The following NTRK3 variants were observed in gnomAD, a reference collection of about 807,000 sequenced individuals.
NTRK3 encodes the protein NT-3 growth factor receptor.
NTRK3 carries 24 observed loss-of-function variants against 91.7 expected under a neutral mutation model. The ratio of observed to expected loss-of-function variants is 0.26; its 90% CI spans 0.19 to 0.37. The LOEUF is 0.37. Ranked by LOEUF, NTRK3 falls within the 10% of genes least tolerant of loss-of-function variation. The probability of loss-of-function intolerance (pLI) is 1.00; values close to 1 mark genes in which losing one functional copy is unlikely to be tolerated. For synonymous variants in NTRK3, 483 were observed against 404.0 expected (o/e 1.20, Z -2.34); for missense variants, 880 against 1,068.9 (o/e 0.82, Z 2.46).
chr15:87,948,713 T>G (rs1022008617), intron 14 of NTRK3, among the ~76,000 whole-genome samples: 1 of 151,952 alleles, frequency 6.6e-6, no homozygotes. Flanking sequence ...AAATAAAAAA[T>G]AAAAATGATT....
rs1180521862 is a variant in NTRK3, at chr15:88,234,747, G to A, written c.248+21159C>T. On this transcript the variant is annotated intron_variant, in intron 3 of 18. Transcript: ENST00000394480. The surrounding 1 kb of genome is among the most constrained non-coding windows in gnomAD (Gnocchi z 6.1). ...AAGTCGAATCATCTCTTGTTTAAAAGGAAAACCCTCTGGGACTTCCTATTT... is the reference window on the plus strand; with the variant it reads ...AAGTCGAATCATCTCTTGTTTAAAAAGAAAACCCTCTGGGACTTCCTATTT... Among the ~76,000 whole-genome samples the A allele has an allele frequency of 1.3e-5, 2 of 152,110 alleles. No homozygotes were observed. Among genetic ancestry groups the A allele is most frequent in the African/African-American group, 4.8e-5 (2 of 41,416 alleles).
chr15:88,118,515 T>C (rs1474456751), intron 13 of NTRK3, among the ~76,000 whole-genome samples: 1 of 152,246 alleles, frequency 6.6e-6, no homozygotes, highest in Non-Finnish European at 1.5e-5. Context: ...ACCATGATAC[T>C]GTAGGATAAC....
At chr15:88,153,250 T>A (rs933668738) in intron 5 of NTRK3, among the ~76,000 whole-genome samples, 2 of 152,160 alleles carry the variant, frequency 1.3e-5, no homozygotes, top group South Asian at 2.1e-4. Context: ...TTTTGTTTTT[T>A]ATTTTTTTTG....
intron 13 of NTRK3, among the ~76,000 whole-genome samples, chr15:88,120,949 G>C (rs569018107): frequency 4.6e-4 from 70 of 152,314 alleles, no homozygotes; most frequent in African/African-American, 1.2e-3. Context: ...GTCTGTTTCA[G>C]CTCTGATAAA....
chr15:88,062,727 G>A (rs2046327205), intron 13 of NTRK3, among the ~76,000 whole-genome samples: 1 of 152,236 alleles, frequency 6.6e-6, no homozygotes, highest in East Asian at 1.9e-4. Context: ...GAGCTTCTCT[G>A]CTACTCACAG....
At chr15:88,140,883 A>G (rs2042323860) in intron 6 of NTRK3, among the ~76,000 whole-genome samples, 1 of 152,192 alleles carries the variant, frequency 6.6e-6, no homozygotes, top group Non-Finnish European at 1.5e-5. Flanking sequence ...GAGAGAGGGA[A>G]GAGAAGATCC....
At chr15:87,870,447 G>A (rs2141406809) in exon 19 of NTRK3, 1 of 207,338 alleles carries the variant, frequency 4.8e-6, no homozygotes, top group East Asian at 7.2e-5. Flanking sequence ...AGTGTGGGAA[G>A]GGAGTGAGGG....
intron 14 of NTRK3, among the ~76,000 whole-genome samples, chr15:87,952,410 T>C (rs1049191993): frequency 6.6e-6 from 1 of 152,194 alleles, no homozygotes; most frequent in Non-Finnish European, 1.5e-5. Context: ...GGAAGCTCTG[T>C]TGGGCTGCTC....
At chr15:88,193,452 G>A (rs997512988) in intron 3 of NTRK3, among the ~76,000 whole-genome samples, 1 of 152,034 alleles carries the variant, frequency 6.6e-6, no homozygotes, top group Non-Finnish European at 1.5e-5. Flanking sequence ...AAGTAGGAGG[G>A]CCCTACACAC....
At chr15:88,060,847 T>C in intron 13 of NTRK3, among the ~76,000 whole-genome samples, 1 of 152,176 alleles carries the variant, frequency 6.6e-6, no homozygotes, top group East Asian at 1.9e-4. Flanking sequence ...ATATTTACTT[T>C]TAGCCATTGG....
chr15:88,109,608 T>C (rs1320744279), intron 13 of NTRK3, among the ~76,000 whole-genome samples: 1 of 152,042 alleles, frequency 6.6e-6, no homozygotes, highest in Admixed American at 6.6e-5. Context: ...AGTTCCAAGA[T>C]ATGTGCTCTG....
chr15:88,072,809 G>C (rs2047206449), intron 13 of NTRK3: 1 of 232,982 alleles, frequency 4.3e-6, no homozygotes, highest in South Asian at 1.8e-4. Context: ...AGCGGGCAGT[G>C]CTGGCTGGGC....
chr15:88,098,441 C>T (rs1482149046), intron 13 of NTRK3: 3 of 194,688 alleles, frequency 1.5e-5, no homozygotes, highest in Non-Finnish European at 3.2e-5. Flanking sequence ...TTTCAAGCCA[C>T]TCGTGGAGCT....
chr15:87,916,305 CA>C (rs1324009206), intron 17 of NTRK3: 3 of 409,786 alleles, frequency 7.3e-6, no homozygotes, highest in African/African-American at 4.2e-5. Context: ...CAGTTTGTCT[CA>C]GGAAAAAAAA....
chr15:88,053,679 T>C (rs1050261864), intron 13 of NTRK3, among the ~76,000 whole-genome samples: 5 of 152,184 alleles, frequency 3.3e-5, no homozygotes, highest in Admixed American at 6.5e-5. Flanking sequence ...AGCACCTACT[T>C]GACAAAGATT....
intron 13 of NTRK3, among the ~76,000 whole-genome samples, chr15:88,082,139 G>A (rs549651886): frequency 1.3e-5 from 2 of 152,178 alleles, no homozygotes; most frequent in African/African-American, 2.4e-5. Context: ...TTAGCCAGGC[G>A]TGGTGGCGCA....
chr15:87,885,968 A>C (rs2065513626), intron 17 of NTRK3, among the ~76,000 whole-genome samples: 2 of 152,050 alleles, frequency 1.3e-5, no homozygotes. Context: ...CAGACAAAGA[A>C]TTAAAATCCA....
At chr15:88,038,855 A>C (rs918552151) in intron 13 of NTRK3, among the ~76,000 whole-genome samples, 7 of 151,990 alleles carry the variant, frequency 4.6e-5, no homozygotes, top group Non-Finnish European at 1.0e-4. Flanking sequence ...TACTCCATGA[A>C]ACTCTGGCCA....
chr15:87,967,424 A>G (rs995928633), intron 14 of NTRK3, among the ~76,000 whole-genome samples: 1 of 152,162 alleles, frequency 6.6e-6, no homozygotes, highest in African/African-American at 2.4e-5. Context: ...GCTTAGGAGA[A>G]AGAGGAAGGA....
Sources: gnomAD v4.1 joint callset for allele counts (sites outside exome capture counted in the v4.1 genomes callset) on GRCh38, gnomAD v4.1.1 for gene constraint, Gnocchi (gnomAD v3.1) non-coding constraint, MANE v1.5 for transcripts, NCBI Gene and HGNC (gene_info 2026-07-23, HGNC 2026-07-21) for gene names.